The following MYO3B variants were observed in gnomAD, a reference collection of about 807,000 sequenced individuals.
The protein encoded by MYO3B is myosin IIIB, also known as myosin-IIIb.
MYO3B carries 156 observed loss-of-function variants against 174.6 expected under a neutral mutation model. That is an observed-to-expected ratio of 0.89 (90% CI 0.78 to 1.02). The LOEUF (loss-of-function observed/expected upper bound fraction) is 1.02. MYO3B is among the 50% of genes least tolerant of loss of function. MYO3B has a pLI of 0.00. For missense variants in MYO3B, 1,632 were observed against 1,639.4 expected (o/e 1.00, Z 0.08); for synonymous variants, 563 against 569.1 (o/e 0.99, Z 0.15).
intron 28 of MYO3B, among the ~76,000 whole-genome samples, chr2:170,505,784 C>T (rs1232511174): frequency 6.6e-6 from 1 of 152,232 alleles, no homozygotes; most frequent in African/African-American, 2.4e-5. Context: ...CAGTGGAGCC[C>T]TAGGGGCTGG....
At chr2:170,262,746 T>G (rs910491914) in intron 7 of MYO3B, among the ~76,000 whole-genome samples, 1 of 152,202 alleles carries the variant, frequency 6.6e-6, no homozygotes, top group African/African-American at 2.4e-5. Context: ...TGCTCTTCCC[T>G]GTTCAGGTTG....
At chr2:170,210,329 A>G (rs2092756896) in intron 3 of MYO3B, among the ~76,000 whole-genome samples, 1 of 152,220 alleles carries the variant, frequency 6.6e-6, no homozygotes, top group Admixed American at 6.5e-5. Context: ...TCTAATTCAA[A>G]ACAGTCCTTT....
At position 170,377,160 on chromosome 2, in the gene MYO3B, G is replaced by A. The variant is rs554377311; in HGVS notation, c.972-4856G>A. ...ACTAGCAGCTCAAACAAAGAAGCTA[G>A]CAGGCCCAGTGATGAGATATTAGAG... On this transcript the variant is annotated intron_variant, in intron 9 of 34. Coordinates refer to ENST00000408978, the MANE Select transcript of MYO3B (RefSeq NM_138995.5). 3.3e-3 allele frequency among the ~76,000 whole-genome samples: 496 copies of A among 152,330 alleles called. 1 individual carries two copies. Among genetic ancestry groups the A allele is most frequent in the African/African-American group, 0.011 (443 of 41,576 alleles).
intron 30 of MYO3B, among the ~76,000 whole-genome samples, chr2:170,529,558 A>G (rs78504141): frequency 0.039 from 5,903 of 152,002 alleles, 371 homozygotes; most frequent in African/African-American, 0.13. Flanking sequence ...AGAAAATCTG[A>G]TCTCTAACCA....
chr2:170,637,194 T>C (rs1163353410), intron 32 of MYO3B, among the ~76,000 whole-genome samples: 1 of 137,396 alleles, frequency 7.3e-6, no homozygotes, highest in East Asian at 2.2e-4. Flanking sequence ...TTTTTTTAGA[T>C]GGAGTATCAC....
intron 30 of MYO3B, among the ~76,000 whole-genome samples, chr2:170,528,743 C>T (rs112818185): frequency 0.046 from 6,965 of 152,180 alleles, 401 homozygotes; most frequent in African/African-American, 0.13. Context: ...CATCAGACGA[C>T]GATGGACGGT....
intron 7 of MYO3B, among the ~76,000 whole-genome samples, chr2:170,246,510 A>T (rs1282030485): frequency 6.0e-5 from 9 of 150,900 alleles, no homozygotes; most frequent in Non-Finnish European, 8.8e-5. Context: ...CCTTATAAGA[A>T]GAGGAAAATT....
At chr2:170,204,112 T>C (rs970943776) in intron 3 of MYO3B, among the ~76,000 whole-genome samples, 9 of 152,204 alleles carry the variant, frequency 5.9e-5, no homozygotes, top group Non-Finnish European at 1.0e-4. Flanking sequence ...GACATAGTTT[T>C]CACTGGTCTT....
At chr2:170,503,929 T>A (rs956598756) in intron 28 of MYO3B, among the ~76,000 whole-genome samples, 2 of 152,232 alleles carry the variant, frequency 1.3e-5, no homozygotes, top group Non-Finnish European at 2.9e-5. Context: ...TAGCAATCTT[T>A]GCAATTTTAT....
intron 7 of MYO3B, among the ~76,000 whole-genome samples, chr2:170,240,071 C>G (rs1349918269): frequency 6.6e-6 from 1 of 152,162 alleles, no homozygotes; most frequent in Non-Finnish European, 1.5e-5. Flanking sequence ...TTTCTGGTCT[C>G]ATATAAGGAC....
At chr2:170,255,462 GCAGCCTGAATTATA>G (rs1316292663) in intron 7 of MYO3B, among the ~76,000 whole-genome samples, 1 of 152,138 alleles carries the variant, frequency 6.6e-6, no homozygotes, top group Non-Finnish European at 1.5e-5. Context: ...CTACTGGATT[GCAGCCTGAATTATA>G]CAAAAATAAG....
At chr2:170,566,556 T>C (rs1186565923) in intron 32 of MYO3B, among the ~76,000 whole-genome samples, 1 of 152,332 alleles carries the variant, frequency 6.6e-6, no homozygotes, top group South Asian at 2.1e-4. Flanking sequence ...GAGGGAGTTA[T>C]GAGTAGCCAG....
chr2:170,572,299 G>A (rs1344671355), intron 32 of MYO3B, among the ~76,000 whole-genome samples: 3 of 151,866 alleles, frequency 2.0e-5, no homozygotes, highest in Non-Finnish European at 4.4e-5. Context: ...GTGGTGGCGG[G>A]TGCCTATAAT....
chr2:170,274,482 G>A (rs2093448804), intron 7 of MYO3B, among the ~76,000 whole-genome samples: 1 of 152,116 alleles, frequency 6.6e-6, no homozygotes, highest in African/African-American at 2.4e-5. Context: ...TAGCAAAGTG[G>A]CTACTTTTAG....
chr2:170,480,475 G>A (rs7573182), intron 25 of MYO3B, among the ~76,000 whole-genome samples: 62,938 of 152,008 alleles, frequency 0.41, 13,214 homozygotes, highest in Non-Finnish European at 0.43. Context: ...ATCCTTTGCA[G>A]TATCCTTTAT....
At chr2:170,632,123 C>A (rs780707992) in intron 32 of MYO3B, among the ~76,000 whole-genome samples, 1 of 152,116 alleles carries the variant, frequency 6.6e-6, no homozygotes, top group Non-Finnish European at 1.5e-5. Context: ...CAGCTCTGCA[C>A]CAAGCAGACC....
chr2:170,341,266 A>C (rs2093975152), intron 8 of MYO3B: 1 of 152,104 alleles, frequency 6.6e-6, no homozygotes, highest in Admixed American at 6.6e-5. Flanking sequence ...GCCTTTCTCC[A>C]TTTTGTGTTT....
chr2:170,498,578 C>A lies in MYO3B; in HGVS notation c.3015-14C>A, dbSNP rs755967679. On this transcript the variant is annotated splice_polypyrimidine_tract_variant and intron_variant, in intron 25 of 34. Transcript: ENST00000408978. ...GTGACTGAAAAGGCTTCACTTAATT[C>A]TTTTATTTTGCAGGTATTATTACTT... The A allele has an allele frequency of 3.1e-6, 5 of 1,590,242 alleles. No homozygotes were observed. Among genetic ancestry groups the A allele is most frequent in the Non-Finnish European group, 4.3e-6 (5 of 1,158,942 alleles).
chr2:170,456,166 G>T (rs910664130), intron 23 of MYO3B, among the ~76,000 whole-genome samples: 1 of 152,156 alleles, frequency 6.6e-6, no homozygotes, highest in South Asian at 2.1e-4. Context: ...ATTTTGGTGG[G>T]GGGGTGGGGC....
Sources: allele counts gnomAD v4.1 joint callset (sites outside exome capture counted in the v4.1 genomes callset), GRCh38; gene constraint gnomAD v4.1.1; transcripts MANE v1.5; gene names NCBI Gene and HGNC (gene_info 2026-07-23, HGNC 2026-07-21).